ZNF521: variants seen among roughly 807,000 people sequenced by gnomAD.
ZNF521 encodes the protein LYST-interacting protein 3.
In ZNF521, 14 loss-of-function variants were observed where a neutral mutation model predicts 105.5. The ratio of observed to expected loss-of-function variants is 0.13; its 90% CI spans 0.09 to 0.21. The LOEUF (loss-of-function observed/expected upper bound fraction) is 0.21, where lower values mean the gene tolerates loss of function less well. Ranked by LOEUF, ZNF521 falls within the 10% of genes least tolerant of loss-of-function variation. The pLI is 1.00. For missense variants in ZNF521, 1,233 were observed against 1,629.7 expected, an observed-to-expected ratio of 0.76 and a Z score of 4.19; for synonymous variants, 635 against 606.0, an observed-to-expected ratio of 1.05 and a Z score of -0.70.
chr18:25,069,214 C>G (rs1385199081), intron 7 of ZNF521, among the ~76,000 whole-genome samples: 1 of 152,158 alleles, frequency 6.6e-6, no homozygotes, highest in African/African-American at 2.4e-5. Flanking sequence ...CTCTCCTTTT[C>G]ATTCCCAACT....
intron 2 of ZNF521, among the ~76,000 whole-genome samples, chr18:25,330,773 T>C (rs1166846646): frequency 6.6e-6 from 1 of 152,168 alleles, no homozygotes; most frequent in African/African-American, 2.4e-5. Context: ...TTTAATAACA[T>C]AAAACCCCAA....
intron 2 of ZNF521, among the ~76,000 whole-genome samples, chr18:25,330,512 G>A (rs1913508464): frequency 6.6e-6 from 1 of 152,058 alleles, no homozygotes; most frequent in African/African-American, 2.4e-5. Context: ...GGGCCCCAAA[G>A]ACACTTCTCA....
At chr18:25,116,923 G>GTGTA (rs2034324270) in intron 5 of ZNF521, among the ~76,000 whole-genome samples, 3 of 133,756 alleles carry the variant, frequency 2.2e-5, no homozygotes, top group African/African-American at 9.2e-5. Context: ...GTATATCTAT[G>GTGTA]TATATATATA....
intron 3 of ZNF521, among the ~76,000 whole-genome samples, chr18:25,317,064 C>A (rs1463168699): frequency 6.6e-6 from 1 of 151,932 alleles, no homozygotes; most frequent in African/African-American, 2.4e-5. Flanking sequence ...ACCATTTTGG[C>A]CAGGCTAGTC....
chr18:25,144,016 ATTTAGAAAATGCTTGTAT>A (rs1245046422), intron 5 of ZNF521, among the ~76,000 whole-genome samples: 1 of 152,124 alleles, frequency 6.6e-6, no homozygotes, highest in Non-Finnish European at 1.5e-5. Flanking sequence ...CTCAAAAGCA[ATTTAGAAAATGCTTGTAT>A]TTTAGACAAA....
intron 5 of ZNF521, among the ~76,000 whole-genome samples, chr18:25,151,240 A>G (rs1029930340): frequency 6.7e-4 from 102 of 152,272 alleles, no homozygotes; most frequent in African/African-American, 2.3e-3. Flanking sequence ...TGCTTTAGAT[A>G]CACTCTTCCT....
At chr18:25,074,044 GT>G (rs1567949486) in intron 7 of ZNF521, among the ~76,000 whole-genome samples, 1 of 114,916 alleles carries the variant, frequency 8.7e-6, no homozygotes, top group Non-Finnish European at 2.1e-5. Context: ...GCATGTGTGT[GT>G]CTGTGCACAT....
rs1912217873 is a variant in ZNF521 at position 25,310,174 on chromosome 18, G to A, written c.220+11834C>T. ...TCCAAGAAAGCCACATAAGATGGAT[G>A]AGTCTTCATTACATAGATAAACTGA... On this transcript the variant is annotated intron_variant, in intron 3 of 7. Transcript: ENST00000361524. Among the ~76,000 whole-genome samples the A allele has an allele frequency of 1.3e-5, 2 of 152,108 alleles. 1 individual carries two copies. Among genetic ancestry groups the A allele is most frequent in the Admixed American group, 1.3e-4 (2 of 15,272 alleles).
rs570284423 is a variant in ZNF521 at position 25,293,382 on chromosome 18, ACAC to A, written c.220+28623_220+28625del. Among the ~76,000 whole-genome samples the A allele has an allele frequency of 2.0e-4, 30 of 151,854 alleles. No homozygotes were observed. In the South Asian group the frequency reaches 6.3e-3, roughly 32 times the overall value. ...CACACACACACACACACACACACAC[ACAC>A]AAATTCCTTAATTTCTTAGAAGTCT... On this transcript the variant is annotated intron_variant, in intron 3 of 7. Coordinates refer to ENST00000361524, the MANE Select transcript of ZNF521 (RefSeq NM_015461.3).
chr18:25,264,552 A>G (rs971725466), intron 3 of ZNF521, among the ~76,000 whole-genome samples: 2 of 152,202 alleles, frequency 1.3e-5, no homozygotes, highest in Admixed American at 6.5e-5. Flanking sequence ...TGAGTTTCCT[A>G]AGATCAATAT....
At chr18:25,214,914 A>G (rs766791688) in intron 4 of ZNF521, among the ~76,000 whole-genome samples, 1 of 152,072 alleles carries the variant, frequency 6.6e-6, no homozygotes, top group South Asian at 2.1e-4. Context: ...TTAGGAGAAC[A>G]GGAAACATAT....
At chr18:25,287,348 C>G (rs1341551714) in intron 3 of ZNF521, among the ~76,000 whole-genome samples, 1 of 152,208 alleles carries the variant, frequency 6.6e-6, no homozygotes, top group Non-Finnish European at 1.5e-5. Context: ...CCTAGTATTA[C>G]AGATAATTTG....
chr18:25,110,401 G>C (rs931660799), intron 5 of ZNF521, among the ~76,000 whole-genome samples: 1 of 151,700 alleles, frequency 6.6e-6, no homozygotes, highest in Non-Finnish European at 1.5e-5. Context: ...GTTTTATATG[G>C]TTTTTGTTGT....
intron 2 of ZNF521, among the ~76,000 whole-genome samples, chr18:25,322,733 A>G (rs1213307266): frequency 6.6e-6 from 1 of 152,206 alleles, no homozygotes; most frequent in Admixed American, 6.5e-5. Flanking sequence ...AGACAGTGAT[A>G]GCAAAATAAG....
chr18:25,127,648 T>C (rs974052001), intron 5 of ZNF521, among the ~76,000 whole-genome samples: 8 of 152,008 alleles, frequency 5.3e-5, no homozygotes, highest in African/African-American at 1.9e-4. Flanking sequence ...TTTTGGAAAA[T>C]ATTGATTGCA....
At chr18:25,087,727 T>C (rs1362732991) in intron 7 of ZNF521, among the ~76,000 whole-genome samples, 3 of 152,196 alleles carry the variant, frequency 2.0e-5, no homozygotes, top group Non-Finnish European at 2.9e-5. Flanking sequence ...TTTTAAACAA[T>C]AGTCTAACTT....
chr18:25,208,787 C>T (rs749695588), intron 4 of ZNF521, among the ~76,000 whole-genome samples: 78 of 152,234 alleles, frequency 5.1e-4, no homozygotes, highest in Non-Finnish European at 4.1e-4. Flanking sequence ...TTATTCCCCA[C>T]ACCCACCTCA....
At chr18:25,189,400 A>T (rs2035780735) in intron 5 of ZNF521, among the ~76,000 whole-genome samples, 1 of 152,206 alleles carries the variant, frequency 6.6e-6, no homozygotes, top group African/African-American at 2.4e-5. Context: ...TTCTGTTTTC[A>T]GTTACTGTCT....
chr18:25,106,374 C>T (rs555185238), intron 5 of ZNF521, among the ~76,000 whole-genome samples: 16 of 152,062 alleles, frequency 1.1e-4, no homozygotes, highest in African/African-American at 3.4e-4. Flanking sequence ...TTAACAAAAA[C>T]AAACAAACCC....
Sources: allele counts gnomAD v4.1 joint callset (sites outside exome capture counted in the v4.1 genomes callset), GRCh38; gene constraint gnomAD v4.1.1; transcripts MANE v1.5; gene names NCBI Gene and HGNC (gene_info 2026-07-23, HGNC 2026-07-21).